Variants in CDH13 observed in about 807,000 individuals in gnomAD.
CDH13 encodes cadherin-13.
A neutral mutation model predicts 63.8 loss-of-function variants in CDH13; 24 were observed. That is an observed-to-expected ratio of 0.38 (90% CI 0.27 to 0.53). The LOEUF is 0.53. Ranked by LOEUF, CDH13 falls within the 20% of genes least tolerant of loss-of-function variation. CDH13 has a pLI of 0.85. For missense variants in CDH13, 1,049 were observed against 903.1 expected (o/e 1.16, Z -2.07); for synonymous variants, 503 against 355.3 (o/e 1.42, Z -4.67).
At position 83,423,313 on chromosome 16, in the gene CDH13, C is replaced by T. The variant is rs568197155; in HGVS notation, c.782-63164C>T. On this transcript the variant is annotated intron_variant, in intron 6 of 13. Transcript: ENST00000567109. ...TAACTAAGTCGTTATTGAAAGTTCTCATTTTGTTCACTTCTTCAGAAAATT... is the reference window on the plus strand; with the variant it reads ...TAACTAAGTCGTTATTGAAAGTTCTTATTTTGTTCACTTCTTCAGAAAATT... Among the ~76,000 whole-genome samples, 9 of 152,276 alleles carry T rather than the reference C, an allele frequency of 5.9e-5. No individual in the cohort carries two copies. In the South Asian group the frequency reaches 1.9e-3, roughly 32 times the overall value.
At chr16:83,070,634 A>T (rs1243456187) in intron 3 of CDH13, among the ~76,000 whole-genome samples, 2 of 152,202 alleles carry the variant, frequency 1.3e-5, no homozygotes, top group African/African-American at 4.8e-5. Flanking sequence ...CAGGAAGGAA[A>T]GCGCTAGTGT....
intron 8 of CDH13, among the ~76,000 whole-genome samples, chr16:83,632,730 T>C (rs1181127879): frequency 2.4e-5 from 1 of 41,926 alleles, no homozygotes; most frequent in Admixed American, 2.8e-4. Flanking sequence ...GGCGAGTCCA[T>C]AGAGTAAAGT....
At chr16:83,144,618 C>G (rs1291485287) in intron 4 of CDH13, among the ~76,000 whole-genome samples, 7 of 152,140 alleles carry the variant, frequency 4.6e-5, no homozygotes, top group Admixed American at 4.6e-4. Context: ...TATACTATGC[C>G]CAGATCCTGC....
intron 4 of CDH13, among the ~76,000 whole-genome samples, chr16:83,133,779 G>A (rs1309227563): frequency 1.3e-5 from 2 of 152,040 alleles, no homozygotes; most frequent in African/African-American, 4.8e-5. Flanking sequence ...GATTACAGGT[G>A]TGACCCACTG....
rs537408925 is a variant in CDH13, at chr16:83,138,700, C to A, written c.483+13199C>A. ...CTAAGTGTTATACATTGGGGAATCACACGATCAGATTTGCATTTCAGGAAG... is the reference window on the plus strand; with the variant it reads ...CTAAGTGTTATACATTGGGGAATCAAACGATCAGATTTGCATTTCAGGAAG... On this transcript the variant is annotated intron_variant, in intron 4 of 13. Coordinates refer to ENST00000567109, the MANE Select transcript of CDH13 (RefSeq NM_001257.5). 3.9e-5 allele frequency among the ~76,000 whole-genome samples: 6 copies of A among 152,278 alleles called. No homozygotes were observed. The East Asian group carries it at 9.6e-4, about 24-fold the overall frequency.
chr16:83,721,739 G>A (rs1344779789), intron 10 of CDH13: 1 of 152,388 alleles, frequency 6.6e-6, no homozygotes, highest in African/African-American at 2.4e-5. Context: ...TGCTGTAGAA[G>A]CTCCAGGGAG....
intron 7 of CDH13, among the ~76,000 whole-genome samples, chr16:83,546,001 A>T (rs2075379753): frequency 6.6e-6 from 1 of 152,236 alleles, no homozygotes; most frequent in African/African-American, 2.4e-5. Context: ...AATATGAAGT[A>T]AAACATAAGC....
chr16:83,184,044 A>G (rs2038431826), intron 4 of CDH13, among the ~76,000 whole-genome samples: 2 of 151,370 alleles, frequency 1.3e-5, no homozygotes, highest in Admixed American at 6.6e-5. Context: ...CTGAGGCTCA[A>G]GAGATGTTGC....
chr16:83,095,126 A>G (rs1012719990), intron 3 of CDH13, among the ~76,000 whole-genome samples: 1 of 152,204 alleles, frequency 6.6e-6, no homozygotes, highest in African/African-American at 2.4e-5. Flanking sequence ...AATAACCCTG[A>G]TTTGTGGTGT....
chr16:83,035,064 G>A (rs1041870446), intron 3 of CDH13, among the ~76,000 whole-genome samples: 7 of 151,578 alleles, frequency 4.6e-5, no homozygotes, highest in Non-Finnish European at 1.0e-4. Flanking sequence ...ATGTGTAGCT[G>A]TGTCCTTCAT....
chr16:83,174,107 C>A (rs1171255260), intron 4 of CDH13, among the ~76,000 whole-genome samples: 1 of 152,070 alleles, frequency 6.6e-6, no homozygotes, highest in Non-Finnish European at 1.5e-5. Context: ...TGAAGTCTGT[C>A]CTGTGGTATC....
chr16:83,582,884 C>T (rs568241254), intron 7 of CDH13, among the ~76,000 whole-genome samples: 1 of 152,318 alleles, frequency 6.6e-6, no homozygotes, highest in African/African-American at 2.4e-5. Context: ...GCAGAATGGC[C>T]ATTGGTGGAG....
chr16:82,732,730 A>G (rs756689481), intron 1 of CDH13, among the ~76,000 whole-genome samples: 1 of 152,142 alleles, frequency 6.6e-6, no homozygotes. Context: ...AAGGCTTACT[A>G]TTATTCATAC....
intron 5 of CDH13, among the ~76,000 whole-genome samples, chr16:83,301,832 CA>C (rs1050036936): frequency 6.8e-6 from 1 of 146,684 alleles, no homozygotes; most frequent in Non-Finnish European, 1.5e-5. Context: ...ATTCATTTTA[CA>C]AAAATACATT....
intron 6 of CDH13, among the ~76,000 whole-genome samples, chr16:83,383,439 C>T (rs564765570): frequency 5.9e-5 from 9 of 152,252 alleles, no homozygotes; most frequent in African/African-American, 1.9e-4. Context: ...AACTCACAAG[C>T]CTTGACTCAC....
At chr16:83,348,040 A>G (rs1420691827) in intron 6 of CDH13, among the ~76,000 whole-genome samples, 1 of 152,024 alleles carries the variant, frequency 6.6e-6, no homozygotes, top group Non-Finnish European at 1.5e-5. Context: ...AAAAACAAAA[A>G]TTAGCCGGGT....
chr16:83,144,405 A>G (rs1597410853), intron 4 of CDH13, among the ~76,000 whole-genome samples: 2 of 152,246 alleles, frequency 1.3e-5, no homozygotes, highest in African/African-American at 4.8e-5. Context: ...ATAAAAATAA[A>G]TAAGAAGCAG....
chr16:82,863,669 A>T (rs867093146), intron 2 of CDH13, among the ~76,000 whole-genome samples: 1 of 152,160 alleles, frequency 6.6e-6, no homozygotes, highest in African/African-American at 2.4e-5. Flanking sequence ...TATTGTCCTT[A>T]TAATTTCTGC....
At chr16:82,846,348 T>G (rs1261181378) in intron 1 of CDH13, among the ~76,000 whole-genome samples, 2 of 151,810 alleles carry the variant, frequency 1.3e-5, no homozygotes, top group Non-Finnish European at 2.9e-5. Context: ...TATTAATGTA[T>G]ACTTATTATA....
Sources: allele counts gnomAD v4.1 joint callset (sites outside exome capture counted in the v4.1 genomes callset), GRCh38; gene constraint gnomAD v4.1.1; transcripts MANE v1.5; gene names NCBI Gene and HGNC (gene_info 2026-07-23, HGNC 2026-07-21).